The following LEMD2 variants were observed in gnomAD, a reference collection of about 807,000 sequenced individuals.
LEMD2 encodes the protein LEM domain nuclear envelope protein 2.
Under a neutral mutation model 58.8 loss-of-function variants are expected in LEMD2, and 34 were observed. The observed-to-expected ratio is 0.58, with a 90% CI of 0.44 to 0.77. The LOEUF (loss-of-function observed/expected upper bound fraction) is 0.77. Among genes scored for constraint, LEMD2 ranks in the 30% least tolerant of loss-of-function variants. The pLI, the probability that LEMD2 is intolerant of heterozygous loss-of-function variation, is 0.00. For missense variants in LEMD2, 629 were observed against 717.9 expected (o/e 0.88, Z 1.42); for synonymous variants, 298 against 308.9 (o/e 0.96, Z 0.37).
intron 3 of LEMD2, chr6:33,781,873 C>T (rs1364175616): frequency 2.6e-5 from 4 of 152,354 alleles, no homozygotes; most frequent in South Asian, 2.1e-4. Flanking sequence ...CCTGACTCCC[C>T]GAGAGCAGGG....
chr6:33,779,794 TGTG>T, intron 5 of LEMD2: 1 of 284,048 alleles, frequency 3.5e-6, no homozygotes, highest in Admixed American at 4.9e-5. Flanking sequence ...CAACAAACCA[TGTG>T]GTGTTGTTGA....
rs752617554 is a variant in LEMD2 at position 33,788,796 on chromosome 6, G to A, written c.321C>T (p.Ile107=). 28 of 1,453,802 alleles carry A rather than the reference G, an allele frequency of 1.9e-5. No individual in the cohort carries two copies. In the African/African-American group the frequency reaches 3.8e-4, roughly 20 times the overall value. 90.1% of individuals were successfully genotyped at this position (1,453,802 alleles called of 1,614,324 possible). Residue 107 remains isoleucine, a synonymous_variant, in exon 1 of 9, where the codon ATC becomes ATT. Transcript: ENST00000293760. The stretch of plus-strand genomic sequence containing the variant: ...CTACCCAGGAAGCCGCGGAGGGCCG[G>A]ATATCACCGTAGGCCCCAGGGGTCG... ...AYATPGAYGD[I]RPSAASWVGS...
intron 8 of LEMD2, among the ~76,000 whole-genome samples, chr6:33,775,758 C>A (rs1047940726): frequency 2.0e-5 from 3 of 152,222 alleles, no homozygotes; most frequent in Admixed American, 6.5e-5. Context: ...CTTCCCTGTG[C>A]CTCAGTTCCC....
intron 8 of LEMD2, chr6:33,776,698 A>C: frequency 3.9e-6 from 2 of 511,012 alleles, no homozygotes; most frequent in South Asian, 2.2e-5. Flanking sequence ...AGGCCTCCTA[A>C]CTGGTATCAC....
chr6:33,784,477 G>GGGGGGGGGGGGGCCCCCCCC, intron 2 of LEMD2, 50 bp from the exon 3 acceptor site: 4 of 430,790 alleles, frequency 9.3e-6, no homozygotes, highest in East Asian at 7.6e-5. Flanking sequence ...GGTGGGAGGG[G>GGGGGGGGGGGGGCCCCCCCC]TCCGTCTGTC....
Position 33,788,473 on chromosome 6 carries a change from A to G in LEMD2, c.644T>C (p.Leu215Pro). Residue 215 changes from leucine (L) to proline (P), a missense_variant, in exon 1 of 9, where the codon CTC becomes CCC. Leu to Pro is a moderately conservative substitution (Grantham distance 98). Transcript: ENST00000293760. Reference protein sequence around the residue: ...RLERWLSRLLLWASLGLLLVF... With the variant: ...RLERWLSRLLPWASLGLLLVF... ...GAGCAGTAGCCCTAGGCTGGCCCAG[A>G]GCAGAAGCCGAGAGAGCCAGCGCTC... is the stretch of plus-strand genomic sequence containing the variant. 1.3e-6 allele frequency: 2 copies of G among 1,559,092 alleles called. No individual in the cohort carries two copies. The highest frequency in any genetic ancestry group is 1.2e-5 in the South Asian group (1 of 85,036).
Position 33,773,596 on chromosome 6 carries a change from G to GC in LEMD2, c.1362-819_1362-818insG, listed in dbSNP as rs1554148365. 1.2e-4 allele frequency among the ~76,000 whole-genome samples: 14 copies of GC among 114,594 alleles called. No individual in the cohort carries two copies. The East Asian group carries it at 3.0e-3, about 24-fold the overall frequency. The allele number at this position is 114,594 out of a possible 152,430, so 75.2% of individuals were successfully genotyped here. A position where few individuals can be genotyped will look rare whatever the true frequency, so the allele number is the denominator to read the frequency against. The stretch of plus-strand genomic sequence containing the variant: ...GAGGTGGCCAGTGAGTCAGGAGGCG[G>GC]GGGGGGGGCTAGGGCTTCCCCAGGG... On this transcript the variant is annotated intron_variant, in intron 8 of 8. Coordinates refer to ENST00000293760, the MANE Select transcript of LEMD2 (RefSeq NM_181336.4).
intron 6 of LEMD2, among the ~76,000 whole-genome samples, 169 bp from the exon 7 acceptor site, chr6:33,777,408 C>T (rs867735306): frequency 5.3e-5 from 8 of 152,176 alleles, no homozygotes; most frequent in South Asian, 2.1e-4. Context: ...TACAGAAATG[C>T]AGAGGGACGA....
intron 1 of LEMD2, 44 bp from the exon 2 acceptor site, chr6:33,786,818 G>C: frequency 2.5e-6 from 4 of 1,609,896 alleles, no homozygotes; most frequent in Non-Finnish European, 3.4e-6. Context: ...AGTGTGGGTT[G>C]AGAAAGGAAT....
At position 33,772,747 on chromosome 6, in the gene LEMD2, C is replaced by T. The variant is rs779367528; in HGVS notation, c.1393G>A (p.Val465Met). Reference sequence around the variant, plus strand: ...GATTCGTTGGAGGCCAGGAACTCCACAGCTCGGTCCCAGACACGCTTCATG... The same window carrying T: ...GATTCGTTGGAGGCCAGGAACTCCATAGCTCGGTCCCAGACACGCTTCATG... The part of the protein sequence containing the change: ...RRMKRVWDRA[V>M]EFLASNESRI... The change falls in exon 9 of 9, where the codon GTG becomes ATG. Residue 465 changes from valine to methionine, a missense_variant. Physicochemically the swap from Val to Met is conservative, Grantham distance 21. Coordinates refer to ENST00000293760, the MANE Select transcript of LEMD2 (RefSeq NM_181336.4). The T allele has an allele frequency of 6.2e-7, 1 of 1,613,894 alleles. No homozygotes were observed. Among genetic ancestry groups the T allele is most frequent in the East Asian group, 2.2e-5 (1 of 44,886 alleles).
chr6:33,788,954 G>T lies in LEMD2; in HGVS notation c.163C>A (p.Arg55=). ...CGTAACCGCTCCTCGCCCCGCGGCC[G>T]GGCCTCCTCCCGCAGCCGCTCCTCG... ...RDEERLREEA[R]PRGEERLREE... Residue 55 remains arginine, a synonymous_variant, in exon 1 of 9, where the codon CGG becomes AGG. Transcript: ENST00000293760. The T allele has an allele frequency of 2.6e-6, 4 of 1,520,542 alleles. No homozygotes were observed. The highest frequency in any genetic ancestry group is 3.5e-6 in the Non-Finnish European group (4 of 1,142,332). 94.2% of individuals were successfully genotyped at this position (1,520,542 alleles called of 1,614,324 possible). A position where few individuals can be genotyped will look rare whatever the true frequency, so the allele number is the denominator to read the frequency against.
chr6:33,789,130 C>T lies in LEMD2; in HGVS notation c.-14G>A, dbSNP rs768168562. ...CAGGCCGGCCATGGCCAGGACGCCG[C>T]CCCCCGCCCGCCCCTGGCGCGCACC... On this transcript the variant is annotated 5_prime_UTR_variant, in exon 1 of 9. Transcript: ENST00000293760. The T allele has an allele frequency of 5.4e-5, 80 of 1,491,698 alleles. No individual in the cohort carries two copies. The East Asian group carries it at 1.9e-3, about 36-fold the overall frequency. The allele number at this position is 1,491,698 out of a possible 1,614,324, so 92.4% of individuals were successfully genotyped here.
chr6:33,773,466 C>CT (rs1459897823), intron 8 of LEMD2, among the ~76,000 whole-genome samples: 1 of 152,152 alleles, frequency 6.6e-6, no homozygotes, highest in Non-Finnish European at 1.5e-5. Flanking sequence ...ATTGCACAGC[C>CT]CCCAGCCTTT....
In LEMD2 at chr6:33,788,737, G is replaced by A. The variant is rs1767746999; in HGVS notation, c.380C>T (p.Ala127Val). The A allele has an allele frequency of 2.8e-6, 4 of 1,431,854 alleles. No homozygotes were observed. Among genetic ancestry groups the A allele is most frequent in the South Asian group, 1.4e-5 (1 of 72,512 alleles). The allele number at this position is 1,431,854 out of a possible 1,614,324, so 88.7% of individuals were successfully genotyped here. ...GACCGAGGCGCGGCGCCTGAGTTGC[G>A]CCGGGCGGGCAGGATAGGCGAGGCC... ...SRGLAYPARP[A>V]QLRRRASVRG... is the part of the protein sequence containing the mutation. Residue 127 changes from alanine to valine, a missense_variant, in exon 1 of 9, where the codon GCG becomes GTG. Ala to Val is a moderately conservative substitution (Grantham distance 64, BLOSUM62 0). Coordinates refer to ENST00000293760, the MANE Select transcript of LEMD2 (RefSeq NM_181336.4).
rs1247499893 is a variant in LEMD2 at position 33,788,673 on chromosome 6, G to A, written c.444C>T (p.Pro148=). 3.5e-5 allele frequency: 47 copies of A among 1,330,522 alleles called. No homozygotes were observed. The highest frequency in any genetic ancestry group is 4.4e-5 in the Non-Finnish European group (46 of 1,040,804). The allele number at this position is 1,330,522 out of a possible 1,614,324, so 82.4% of individuals were successfully genotyped here. The change falls in exon 1 of 9, where the codon CCC becomes CCT. Residue 148 remains proline (P), a synonymous_variant. Coordinates refer to ENST00000293760, the MANE Select transcript of LEMD2 (RefSeq NM_181336.4). The stretch of plus-strand genomic sequence containing the variant: ...GACCCGGGCCCTGCGTGGCCCTGTC[G>A]GGCGTCCGGGCGTCCTCGTCCTCCT... The part of the protein sequence containing the change: ...SSEEDEDART[P]DRATQGPGLA...
In LEMD2 at chr6:33,788,812, C is replaced by T; in HGVS notation, c.305G>A (p.Gly102Glu). The change falls in exon 1 of 9, where the codon GGG becomes GAG. Residue 102 changes from glycine (G) to glutamate (E), a missense_variant. Coordinates refer to ENST00000293760, the MANE Select transcript of LEMD2 (RefSeq NM_181336.4). ...PASGSAYATP[G>E]AYGDIRPSAA... ...GGAGGGCCGGATATCACCGTAGGCC[C>T]CAGGGGTCGCGTAGGCCGAGCCCGA... 1 of 1,443,594 alleles carries T rather than the reference C, an allele frequency of 6.9e-7. No individual in the cohort carries two copies. Among genetic ancestry groups the T allele is most frequent in the Non-Finnish European group, 9.1e-7 (1 of 1,099,784 alleles). The allele number at this position is 1,443,594 out of a possible 1,614,324, so 89.4% of individuals were successfully genotyped here.
intron 1 of LEMD2, chr6:33,786,996 G>T: frequency 9.8e-7 from 1 of 1,025,090 alleles, no homozygotes; most frequent in Non-Finnish European, 1.3e-6. Flanking sequence ...CCTTGTCCCA[G>T]CTGAAAATGA....
At chr6:33,780,230 G>A in intron 4 of LEMD2, 51 bp from the exon 5 acceptor site, 8 of 1,453,386 alleles carry the variant, frequency 5.5e-6, no homozygotes, top group Non-Finnish European at 7.6e-6. Flanking sequence ...CGGAGCAGCT[G>A]GAACATTATT....
rs1282139942 is a variant in LEMD2 at position 33,788,710 on chromosome 6, C to G, written c.407G>C (p.Arg136Pro). ...GTCCTCGTCCTCCTCGGAGCTGCCC[C>G]GGACCGAGGCGCGGCGCCTGAGTTG... ...PAQLRRRASV[R>P]GSSEEDEDAR... Residue 136 changes from arginine to proline, a missense_variant, in exon 1 of 9, where the codon CGG (arginine) becomes CCG (proline). By Grantham distance (103) the Arg-to-Pro change is moderately radical. Around this residue, in one of 2 missense-constraint regions of LEMD2, gnomAD observed 386 missense variants for 381.1 expected, o/e 1.01. Transcript: ENST00000293760. 2 of 1,420,402 alleles carry G rather than the reference C, an allele frequency of 1.4e-6. No homozygotes were observed. The highest frequency in any genetic ancestry group is 1.8e-6 in the Non-Finnish European group (2 of 1,087,284). The allele number at this position is 1,420,402 out of a possible 1,614,324, so 88.0% of individuals were successfully genotyped here. A position where few individuals can be genotyped will look rare whatever the true frequency, so the allele number is the denominator to read the frequency against.
Sources: allele counts gnomAD v4.1 joint callset (sites outside exome capture counted in the v4.1 genomes callset), GRCh38; gene constraint gnomAD v4.1.1; regional missense constraint gnomAD v4.1.1; transcripts MANE v1.5; gene names NCBI Gene and HGNC (gene_info 2026-07-23, HGNC 2026-07-21).